Variants in IL1RAPL1 observed in about 807,000 individuals in gnomAD.
The protein encoded by IL1RAPL1 is interleukin-1 receptor accessory protein-like 1.
Under a neutral mutation model 48.4 loss-of-function variants are expected in IL1RAPL1, and 3 were observed. The ratio of observed to expected loss-of-function variants is 0.06; its 90% CI spans 0.03 to 0.16. The LOEUF (loss-of-function observed/expected upper bound fraction) is 0.16. Ranked by LOEUF, IL1RAPL1 falls within the 10% of genes least tolerant of loss-of-function variation. The pLI, the probability that IL1RAPL1 is intolerant of heterozygous loss-of-function variation, is 1.00. For missense variants in IL1RAPL1, 349 were observed against 530.6 expected (o/e 0.66, Z 3.36); for synonymous variants, 185 against 187.7 (o/e 0.99, Z 0.12).
chrX:29,252,991 A>C lies in IL1RAPL1; in HGVS notation c.83-29947A>C, dbSNP rs188747538. Among the ~76,000 whole-genome samples, 403 of 110,973 alleles carry C rather than the reference A, an allele frequency of 3.6e-3. 3 individuals carry two copies. Among genetic ancestry groups the C allele is most frequent in the Non-Finnish European group, 5.0e-3 (264 of 52,842 alleles). ...ACACTACAATCACCAGAAATAAACT[A>C]TGTTTTCTGGTACTAAAATCATTAT... On this transcript the variant is annotated intron_variant, in intron 2 of 10. Transcript: ENST00000378993.
chrX:29,223,604 G>T lies in IL1RAPL1; in HGVS notation c.83-59334G>T, dbSNP rs186144098. On this transcript the variant is annotated intron_variant, in intron 2 of 10. Transcript: ENST00000378993. ...CTGTCACCCAGGCTGGAGTGCAATG[G>T]TGCGATCTCGGCTCACTGCAACTTC... Among the ~76,000 whole-genome samples the T allele has an allele frequency of 9.4e-3, 1,013 of 107,522 alleles. 19 individuals carry two copies. The highest frequency in any genetic ancestry group is 0.033 in the African/African-American group (974 of 29,320). 93.4% of individuals were successfully genotyped at this position (107,522 alleles called of 115,157 possible).
At chrX:29,874,721 A>G (rs1205784723) in intron 6 of IL1RAPL1, among the ~76,000 whole-genome samples, 2 of 112,603 alleles carry the variant, frequency 1.8e-5, no homozygotes, top group African/African-American at 3.2e-5. Flanking sequence ...TAAACAGTAG[A>G]GTCCGTGACT....
chrX:29,616,584 G>A (rs1404032024), intron 5 of IL1RAPL1, among the ~76,000 whole-genome samples: 1 of 107,623 alleles, frequency 9.3e-6, no homozygotes, highest in African/African-American at 3.4e-5. Flanking sequence ...GCGGTGTTTG[G>A]TTTTTTGTCC....
intron 1 of IL1RAPL1, among the ~76,000 whole-genome samples, chrX:28,779,618 A>ATGTG (rs753071924): frequency 2.9e-5 from 1 of 34,870 alleles, no homozygotes; most frequent in Admixed American, 4.5e-4. Flanking sequence ...TGATACTATT[A>ATGTG]TGTGTGTGTG....
chrX:28,692,207 GC>G (rs987684536), intron 1 of IL1RAPL1, among the ~76,000 whole-genome samples: 2 of 111,310 alleles, frequency 1.8e-5, no homozygotes, highest in African/African-American at 6.5e-5. Flanking sequence ...TGAGGGATCT[GC>G]CCCCATGACG....
intron 3 of IL1RAPL1, among the ~76,000 whole-genome samples, chrX:29,316,076 A>G (rs1376048392): frequency 8.9e-6 from 1 of 112,307 alleles, no homozygotes; most frequent in Non-Finnish European, 1.9e-5. Flanking sequence ...TTTCTTTCAC[A>G]GCCCCAGGCA....
At chrX:29,647,347 CA>C (rs763429832) in intron 5 of IL1RAPL1, among the ~76,000 whole-genome samples, 4,122 of 54,507 alleles carry the variant, frequency 0.076, 59 homozygotes, top group Non-Finnish European at 0.094. Context: ...GACTCTGCCT[CA>C]AAAAAAAAAA....
At chrX:29,023,305 A>G (rs1034965766) in intron 2 of IL1RAPL1, among the ~76,000 whole-genome samples, 1 of 112,316 alleles carries the variant, frequency 8.9e-6, no homozygotes, top group African/African-American at 3.2e-5. Context: ...TAAAATGTGC[A>G]GTTACATTGT....
At chrX:29,442,464 G>A (rs187429442) in intron 5 of IL1RAPL1, among the ~76,000 whole-genome samples, 1 of 111,438 alleles carries the variant, frequency 9.0e-6, no homozygotes, top group East Asian at 2.8e-4. Context: ...ATTTACTCCT[G>A]TAACCAAATG....
At chrX:29,194,314 T>A (rs1256866291) in intron 2 of IL1RAPL1, among the ~76,000 whole-genome samples, 1 of 112,705 alleles carries the variant, frequency 8.9e-6, no homozygotes, top group Non-Finnish European at 1.9e-5. Flanking sequence ...GTACCTCTGT[T>A]TTTATAGATT....
intron 5 of IL1RAPL1, among the ~76,000 whole-genome samples, chrX:29,649,164 C>T (rs1330294120): frequency 9.0e-6 from 1 of 111,347 alleles, no homozygotes; most frequent in Non-Finnish European, 1.9e-5. Context: ...CTGAATTCTA[C>T]CAAATATTTA....
At chrX:28,979,505 T>G (rs915852199) in intron 2 of IL1RAPL1, among the ~76,000 whole-genome samples, 2 of 111,886 alleles carry the variant, frequency 1.8e-5, no homozygotes, top group Non-Finnish European at 3.8e-5. Flanking sequence ...GCCAATTCAA[T>G]TTTTCTTCTT....
intron 2 of IL1RAPL1, among the ~76,000 whole-genome samples, chrX:29,141,092 T>C (rs1929234530): frequency 9.0e-6 from 1 of 111,082 alleles, no homozygotes; most frequent in Non-Finnish European, 1.9e-5. Flanking sequence ...TTATTCTCAT[T>C]GTACAGATGA....
At chrX:28,655,505 A>G (rs769034668) in intron 1 of IL1RAPL1, among the ~76,000 whole-genome samples, 18 of 111,678 alleles carry the variant, frequency 1.6e-4, no homozygotes, top group Non-Finnish European at 3.2e-4. Context: ...TAATGCTCCT[A>G]TCAGCAAAAA....
intron 2 of IL1RAPL1, among the ~76,000 whole-genome samples, chrX:29,120,323 G>A (rs1277421682): frequency 9.0e-6 from 1 of 111,723 alleles, no homozygotes; most frequent in Non-Finnish European, 1.9e-5. Context: ...TATATATGGT[G>A]AAAGACAGGG....
intron 5 of IL1RAPL1, among the ~76,000 whole-genome samples, chrX:29,399,596 G>A (rs183332425): frequency 9.0e-5 from 10 of 111,222 alleles, no homozygotes; most frequent in African/African-American, 1.6e-4. Context: ...CAAGGTGGGC[G>A]AATCACGAGG....
At chrX:28,592,169 T>C (rs921302007) in intron 1 of IL1RAPL1, among the ~76,000 whole-genome samples, 6 of 111,977 alleles carry the variant, frequency 5.4e-5, no homozygotes, top group Admixed American at 3.8e-4. Context: ...TCTTAAGTAA[T>C]TAAAAAAATA....
chrX:28,814,341 T>TTTTGTGTGTGTGTG (rs1555926315), intron 2 of IL1RAPL1, among the ~76,000 whole-genome samples: 3 of 89,749 alleles, frequency 3.3e-5, no homozygotes, highest in African/African-American at 1.3e-4. Context: ...ATTTTCAGGT[T>TTTTGTGTGTGTGTG]TGTGTGTGTG....
At chrX:29,769,433 T>G (rs1410392543) in intron 6 of IL1RAPL1, among the ~76,000 whole-genome samples, 1 of 48,510 alleles carries the variant, frequency 2.1e-5, no homozygotes, top group Non-Finnish European at 3.8e-5. Context: ...AACAGTTTTT[T>G]TTTTTTTTTT....
Sources: allele counts gnomAD v4.1 joint callset (sites outside exome capture counted in the v4.1 genomes callset), GRCh38; gene constraint gnomAD v4.1.1; transcripts MANE v1.5; gene names NCBI Gene and HGNC (gene_info 2026-07-23, HGNC 2026-07-21).